Variants in NBEAL1 observed in about 807,000 individuals in gnomAD.
NBEAL1 encodes neurobeachin like 1, also known as neurobeachin-like protein 1.
A neutral mutation model predicts 351.3 loss-of-function variants in NBEAL1; 273 were observed. That is an observed-to-expected ratio of 0.78 (90% CI 0.70 to 0.86). The LOEUF is 0.86. Among genes scored for constraint, NBEAL1 ranks in the 40% least tolerant of loss-of-function variants. NBEAL1 has a pLI of 0.00. For synonymous variants in NBEAL1, 1,050 were observed against 1,086.4 expected (o/e 0.97, Z 0.66); for missense variants, 2,961 against 3,201.3 (o/e 0.92, Z 1.81).
intron 3 of NBEAL1, among the ~76,000 whole-genome samples, chr2:203,044,863 G>C (rs1227763934): frequency 1.3e-5 from 2 of 152,048 alleles, no homozygotes; most frequent in African/African-American, 4.8e-5. Context: ...TTCAACCTAG[G>C]CTGCTTCCTG....
At chr2:203,198,004 T>C (rs112494629) in intron 48 of NBEAL1, among the ~76,000 whole-genome samples, 114 of 147,562 alleles carry the variant, frequency 7.7e-4, no homozygotes, top group Non-Finnish European at 1.2e-3. Flanking sequence ...CTTATATATA[T>C]ATTTTTTTTT....
intron 38 of NBEAL1, among the ~76,000 whole-genome samples, 200 bp from the exon 39 acceptor site, chr2:203,169,546 AC>A (rs942446568): frequency 1.3e-5 from 2 of 152,054 alleles, no homozygotes; most frequent in African/African-American, 4.8e-5. Context: ...TACAAAAAAT[AC>A]AAAAAAATTA....
chr2:203,016,479 T>C (rs2060682625), intron 2 of NBEAL1, 44 bp downstream of exon 2: 2 of 1,301,876 alleles, frequency 1.5e-6, no homozygotes, highest in Non-Finnish European at 2.1e-6. Flanking sequence ...AATACTTTAT[T>C]ATAAAATTTG....
Position 203,049,864 on chromosome 2 carries a change from A to G in NBEAL1, c.194A>G (p.Gln65Arg). The G allele has an allele frequency of 6.4e-7, 1 of 1,555,952 alleles. No homozygotes were observed. The highest frequency in any genetic ancestry group is 8.7e-7 in the Non-Finnish European group (1 of 1,147,930). ...GISLLPDNIL[Q>R]VLRIQLLQCV... Reference sequence around the variant, plus strand: ...TCTCTGCTTCCTGATAATATTCTGCAGGTTCTGAGGATCCAGCTTCTACAG... The same window carrying G: ...TCTCTGCTTCCTGATAATATTCTGCGGGTTCTGAGGATCCAGCTTCTACAG... Residue 65 changes from glutamine (Q) to arginine (R), a missense_variant, in exon 4 of 56, where the codon CAG (glutamine) becomes CGG (arginine). Physicochemically the swap from Gln to Arg is conservative, Grantham distance 43 (BLOSUM62 1). Coordinates refer to ENST00000683969, the MANE Select transcript of NBEAL1 (RefSeq NM_001378026.1).
chr2:203,171,235 G>A (rs751791939), intron 39 of NBEAL1, among the ~76,000 whole-genome samples: 105 of 152,212 alleles, frequency 6.9e-4, no homozygotes, highest in Admixed American at 1.4e-3. Context: ...TCCAGCCTGG[G>A]CAACAAGAGT....
chr2:203,199,596 A>C (rs2065338362), intron 49 of NBEAL1, 149 bp downstream of exon 49: 5 of 502,038 alleles, frequency 1.0e-5, no homozygotes, highest in Non-Finnish European at 1.4e-5. Flanking sequence ...GCAGTGGCGC[A>C]ATCCCCACTC....
At chr2:203,209,877 T>C (rs1164952364) in intron 53 of NBEAL1, among the ~76,000 whole-genome samples, 1 of 152,066 alleles carries the variant, frequency 6.6e-6, no homozygotes, top group African/African-American at 2.4e-5. Flanking sequence ...GCCCCCTCAG[T>C]AGCTGGGACT....
intron 35 of NBEAL1, among the ~76,000 whole-genome samples, chr2:203,156,678 T>TA (rs1331708991): frequency 6.6e-6 from 1 of 152,120 alleles, no homozygotes; most frequent in Admixed American, 6.5e-5. Flanking sequence ...AGCTGTACGT[T>TA]ACGTTGATTC....
At chr2:203,060,524 C>T (rs1294902044) in intron 6 of NBEAL1, among the ~76,000 whole-genome samples, 1 of 152,102 alleles carries the variant, frequency 6.6e-6, no homozygotes, top group African/African-American at 2.4e-5. Flanking sequence ...TATAGGAATA[C>T]ATTTTAATTC....
chr2:203,119,201 C>T (rs1018629678), intron 18 of NBEAL1, among the ~76,000 whole-genome samples: 10 of 151,126 alleles, frequency 6.6e-5, no homozygotes, highest in African/African-American at 1.7e-4. Flanking sequence ...GGGTATCACT[C>T]CCATTACCTA....
chr2:203,132,091 C>A lies in NBEAL1; in HGVS notation c.3683C>A (p.Thr1228Asn). 1 of 1,544,594 alleles carries A rather than the reference C, an allele frequency of 6.5e-7. No individual in the cohort carries two copies. The highest frequency in any genetic ancestry group is 8.8e-7 in the Non-Finnish European group (1 of 1,140,488). The change falls in exon 26 of 56, where the codon ACT (threonine) becomes AAT (asparagine). Residue 1228 changes from threonine (T) to asparagine (N), a missense_variant. By Grantham distance (65) the Thr-to-Asn change is moderately conservative. Transcript: ENST00000683969. ...GLLLNEALVN[T>N]SLIKNLTHQI... ...CTTCTTAATGAAGCACTTGTTAATA[C>A]TTCTCTTATTAAAAACCTCACCCAT...
intron 45 of NBEAL1, 68 bp downstream of exon 45, chr2:203,188,657 G>A: frequency 2.4e-6 from 2 of 826,694 alleles, no homozygotes; most frequent in Non-Finnish European, 3.8e-6. Context: ...TATGTTTACA[G>A]TTATTTGAAG....
intron 34 of NBEAL1, among the ~76,000 whole-genome samples, chr2:203,151,171 A>G (rs1339742089): frequency 6.6e-6 from 1 of 152,060 alleles, no homozygotes; most frequent in East Asian, 1.9e-4. Flanking sequence ...TCTCTACTAA[A>G]ATTACAAAAA....
rs2065910371 is a variant in NBEAL1, at chr2:203,217,530, T to G, written c.*176T>G. The G allele has an allele frequency of 8.3e-7, 1 of 1,209,294 alleles. No individual in the cohort carries two copies. Among genetic ancestry groups the G allele is most frequent in the East Asian group, 3.4e-5 (1 of 29,850 alleles). 74.9% of individuals were successfully genotyped at this position (1,209,294 alleles called of 1,614,324 possible). On this transcript the variant is annotated 3_prime_UTR_variant, in exon 56 of 56. Transcript: ENST00000683969. ...ATTCTTGGTCTATACTAAGATGTAT[T>G]TGAGAAAATACATTTGATTTGATTT... is the stretch of plus-strand genomic sequence containing the variant.
chr2:203,108,880 C>G (rs183350832), intron 14 of NBEAL1, among the ~76,000 whole-genome samples: 1 of 151,700 alleles, frequency 6.6e-6, no homozygotes, highest in East Asian at 1.9e-4. Context: ...AACCTTATCT[C>G]TACAAAAAAT....
chr2:203,145,105 TG>T lies in NBEAL1; in HGVS notation c.5251del (p.Val1751Ter), dbSNP rs1316486885. On this transcript the variant is annotated frameshift_variant, in exon 33 of 56. Transcript: ENST00000683969. LOFTEE classifies it high-confidence loss of function. ...TGGAAGGATTGTTATGAAGCTTTAA[TG>T]GTAAATATGCATAAACGAGACCGGG... ...LYWKDCYEALMVNMHKRDREG... is the reference protein window; with the variant it reads ...LYWKDCYEALXVNMHKRDREG... The T allele has an allele frequency of 6.2e-7, 1 of 1,612,678 alleles. No homozygotes were observed. Among genetic ancestry groups the T allele is most frequent in the Non-Finnish European group, 8.5e-7 (1 of 1,179,684 alleles).
In NBEAL1 at chr2:203,217,236, T is replaced by C. The variant is rs1174603839; in HGVS notation, c.8071-17T>C. 27 of 1,478,528 alleles carry C rather than the reference T, an allele frequency of 1.8e-5. No individual in the cohort carries two copies. Among genetic ancestry groups the C allele is most frequent in the Admixed American group, 7.2e-5 (3 of 41,488 alleles). The allele number at this position is 1,478,528 out of a possible 1,614,324, so 91.6% of individuals were successfully genotyped here. On this transcript the variant is annotated splice_polypyrimidine_tract_variant and intron_variant, in intron 55 of 55. Coordinates refer to ENST00000683969, the MANE Select transcript of NBEAL1 (RefSeq NM_001378026.1). Reference sequence around the variant, plus strand: ...TCTTAATATTTATTCTTCATTTCTTTGGATTACTTTACACAGATGCGTTCA... The same window carrying C: ...TCTTAATATTTATTCTTCATTTCTTCGGATTACTTTACACAGATGCGTTCA...
chr2:203,073,367 A>T (rs1251765786), intron 7 of NBEAL1, among the ~76,000 whole-genome samples: 1 of 152,146 alleles, frequency 6.6e-6, no homozygotes, highest in Non-Finnish European at 1.5e-5. Flanking sequence ...TGTTCATAGT[A>T]TTTCTTCATG....
At chr2:203,144,210 C>CAAAA (rs1203059538) in intron 31 of NBEAL1, among the ~76,000 whole-genome samples, 4 of 52,928 alleles carry the variant, frequency 7.6e-5, no homozygotes, top group Non-Finnish European at 1.2e-4. Context: ...GACTCCATCT[C>CAAAA]AAAAAAAAAA....
Sources: allele counts gnomAD v4.1 joint callset (sites outside exome capture counted in the v4.1 genomes callset), GRCh38; gene constraint gnomAD v4.1.1; transcripts MANE v1.5; gene names NCBI Gene and HGNC (gene_info 2026-07-23, HGNC 2026-07-21).